NKAIN2: variants seen among roughly 807,000 people sequenced by gnomAD.
The protein encoded by NKAIN2 is sodium/potassium transporting ATPase interacting 2.
NKAIN2 carries 14 observed loss-of-function variants against 32.6 expected under a neutral mutation model. The ratio of observed to expected loss-of-function variants is 0.43; its 90% CI spans 0.28 to 0.67. The LOEUF (loss-of-function observed/expected upper bound fraction) is 0.67, where lower values mean the gene tolerates loss of function less well. NKAIN2 is among the 30% of genes least tolerant of loss of function. The pLI is 0.17. For synonymous variants in NKAIN2, 80 were observed against 87.2 expected (o/e 0.92, Z 0.46); for missense variants, 198 against 258.3 (o/e 0.77, Z 1.60).
At chr6:124,058,014 A>T (rs1224529568) in intron 1 of NKAIN2, among the ~76,000 whole-genome samples, 1 of 152,092 alleles carries the variant, frequency 6.6e-6, no homozygotes, top group Non-Finnish European at 1.5e-5. Flanking sequence ...TGATTGTTTA[A>T]ACAGGAACAC....
In NKAIN2 at chr6:124,708,944, C is replaced by T. The variant is rs1432988461; in HGVS notation, c.474+50558C>T. Among the ~76,000 whole-genome samples the T allele has an allele frequency of 1.1e-3, 168 of 148,204 alleles. 1 individual carries two copies. Among genetic ancestry groups the T allele is most frequent in the African/African-American group, 4.0e-3 (158 of 39,030 alleles). On this transcript the variant is annotated intron_variant, in intron 4 of 6. Coordinates refer to ENST00000368417, the MANE Select transcript of NKAIN2 (RefSeq NM_001040214.3). Reference sequence around the variant, plus strand: ...TTTTCAAAGGGAATGCTTCCAGTTTCTGCCCATTCAGTATGATATTGGCTG... The same window carrying T: ...TTTTCAAAGGGAATGCTTCCAGTTTTTGCCCATTCAGTATGATATTGGCTG...
rs144456185 is a variant in NKAIN2, at chr6:123,881,679, A to C, written c.54+77425A>C. Among the ~76,000 whole-genome samples, 272 of 152,304 alleles carry C rather than the reference A, an allele frequency of 1.8e-3. 1 individual carries two copies. Among genetic ancestry groups the C allele is most frequent in the African/African-American group, 6.2e-3 (256 of 41,564 alleles). On this transcript the variant is annotated intron_variant, in intron 1 of 6. Coordinates refer to ENST00000368417, the MANE Select transcript of NKAIN2 (RefSeq NM_001040214.3). ...TTGTGGATTTCATATATAATGATTTATCATAGTAATAAAAAAGATGGGAGT... is the reference window on the plus strand; with the variant it reads ...TTGTGGATTTCATATATAATGATTTCTCATAGTAATAAAAAAGATGGGAGT...
At chr6:124,623,534 C>CAA (rs79939520) in intron 3 of NKAIN2, among the ~76,000 whole-genome samples, 4,460 of 151,592 alleles carry the variant, frequency 0.029, 138 homozygotes, top group East Asian at 0.16. Context: ...TTTGTAATAA[C>CAA]AAGTACAGTT....
At position 124,160,409 on chromosome 6, in the gene NKAIN2, C is replaced by A. The variant is rs564871526; in HGVS notation, c.55-122596C>A. 4.6e-5 allele frequency among the ~76,000 whole-genome samples: 7 copies of A among 152,206 alleles called. No individual in the cohort carries two copies. In the South Asian group the frequency reaches 1.5e-3, roughly 32 times the overall value. Reference sequence around the variant, plus strand: ...CGTATTCAGGTTTTCCTTGAAAGAGCTGTATGTGGGAACAACTGTATTTTC... The same window carrying A: ...CGTATTCAGGTTTTCCTTGAAAGAGATGTATGTGGGAACAACTGTATTTTC... On this transcript the variant is annotated intron_variant, in intron 1 of 6. Coordinates refer to ENST00000368417, the MANE Select transcript of NKAIN2 (RefSeq NM_001040214.3).
At chr6:124,743,163 CT>C (rs1777297789) in intron 4 of NKAIN2, among the ~76,000 whole-genome samples, 2 of 151,964 alleles carry the variant, frequency 1.3e-5, no homozygotes, top group East Asian at 3.9e-4. Flanking sequence ...CTGCCCCTCG[CT>C]TGCTGTGTGG....
chr6:124,619,911 C>CT (rs1468648381), intron 3 of NKAIN2, among the ~76,000 whole-genome samples: 1 of 152,130 alleles, frequency 6.6e-6, no homozygotes, highest in Non-Finnish European at 1.5e-5. Flanking sequence ...GCAATGTAGC[C>CT]TTACATTTCT....
At chr6:124,787,508 G>T (rs943223592) in intron 4 of NKAIN2, among the ~76,000 whole-genome samples, 1 of 151,988 alleles carries the variant, frequency 6.6e-6, no homozygotes, top group African/African-American at 2.4e-5. Flanking sequence ...AGAGGTACAG[G>T]GCATTAGCAT....
At chr6:124,767,227 C>T (rs1045457433) in intron 4 of NKAIN2, among the ~76,000 whole-genome samples, 2 of 151,724 alleles carry the variant, frequency 1.3e-5, no homozygotes, top group Admixed American at 1.3e-4. Context: ...TCTGTTTCAT[C>T]CTATGCTTAA....
intron 3 of NKAIN2, among the ~76,000 whole-genome samples, chr6:124,657,493 A>C (rs1363697606): frequency 1.3e-5 from 2 of 152,146 alleles, no homozygotes; most frequent in African/African-American, 4.8e-5. Context: ...AACATGGTGA[A>C]CTTCATCTAA....
intron 3 of NKAIN2, among the ~76,000 whole-genome samples, chr6:124,418,934 T>C (rs1039564301): frequency 2.8e-4 from 42 of 152,138 alleles, no homozygotes; most frequent in African/African-American, 1.0e-3. Flanking sequence ...ACTTTACATC[T>C]TTCTTACATG....
intron 4 of NKAIN2, among the ~76,000 whole-genome samples, chr6:124,761,691 CT>C (rs2114736764): frequency 6.6e-6 from 1 of 152,250 alleles, no homozygotes; most frequent in African/African-American, 2.4e-5. Flanking sequence ...ATAACTTTCT[CT>C]TTTCTTTTTC....
intron 2 of NKAIN2, among the ~76,000 whole-genome samples, chr6:124,286,087 C>T (rs1477691069): frequency 6.6e-6 from 1 of 151,998 alleles, no homozygotes; most frequent in East Asian, 1.9e-4. Flanking sequence ...AAGCATTTCT[C>T]GACTTCATGA....
At chr6:123,828,250 A>G (rs1774233474) in intron 1 of NKAIN2, among the ~76,000 whole-genome samples, 1 of 152,032 alleles carries the variant, frequency 6.6e-6, no homozygotes, top group Non-Finnish European at 1.5e-5. Context: ...TTGCCTCTGT[A>G]TTACCTGGTC....
At chr6:124,367,771 C>T (rs536220884) in intron 3 of NKAIN2, among the ~76,000 whole-genome samples, 9 of 152,086 alleles carry the variant, frequency 5.9e-5, no homozygotes, top group East Asian at 5.8e-4. Flanking sequence ...TTGATAATTG[C>T]GCATAAACAA....
intron 1 of NKAIN2, among the ~76,000 whole-genome samples, chr6:124,273,149 G>T (rs888730128): frequency 2.0e-5 from 3 of 152,090 alleles, no homozygotes; most frequent in Non-Finnish European, 4.4e-5. Flanking sequence ...ATATGAAAGG[G>T]ACATGAGATT....
intron 2 of NKAIN2, among the ~76,000 whole-genome samples, chr6:124,349,239 C>A (rs763170049): frequency 1.3e-5 from 2 of 151,944 alleles, no homozygotes; most frequent in African/African-American, 2.4e-5. Flanking sequence ...CTGGTTTACC[C>A]CCTCACAGAT....
chr6:124,113,067 G>A (rs73565493), intron 1 of NKAIN2, among the ~76,000 whole-genome samples: 5 of 151,806 alleles, frequency 3.3e-5, no homozygotes, highest in South Asian at 2.1e-4. Flanking sequence ...CATCTTAGTC[G>A]GATTCTTCAT....
chr6:124,085,034 A>T (rs2114915471), intron 1 of NKAIN2, among the ~76,000 whole-genome samples: 1 of 152,190 alleles, frequency 6.6e-6, no homozygotes, highest in East Asian at 1.9e-4. Context: ...CATGCATTTT[A>T]TAAGTGAATA....
intron 3 of NKAIN2, among the ~76,000 whole-genome samples, chr6:124,475,548 T>A (rs562126711): frequency 7.9e-5 from 12 of 152,152 alleles, no homozygotes; most frequent in Non-Finnish European, 1.8e-4. Flanking sequence ...CTTCAATGAT[T>A]ATAGAAAAAT....
Sources: gnomAD v4.1 joint callset for allele counts (sites outside exome capture counted in the v4.1 genomes callset) on GRCh38, gnomAD v4.1.1 for gene constraint, MANE v1.5 for transcripts, NCBI Gene and HGNC (gene_info 2026-07-23, HGNC 2026-07-21) for gene names.